NALCN: variants seen among roughly 807,000 people sequenced by gnomAD.
NALCN encodes sodium leak channel NALCN.
A neutral mutation model predicts 225.3 loss-of-function variants in NALCN; 111 were observed. The ratio of observed to expected loss-of-function variants is 0.49; its 90% confidence interval spans 0.42 to 0.58. The LOEUF (loss-of-function observed/expected upper bound fraction) is 0.58. Among genes scored for constraint, NALCN ranks in the 20% least tolerant of loss-of-function variants. The probability of loss-of-function intolerance (pLI) is 0.00; values close to 1 mark genes in which losing one functional copy is unlikely to be tolerated. For missense variants in NALCN, 1,378 were observed against 2,202.4 expected (o/e 0.63, Z 7.49); for synonymous variants, 764 against 769.0 (o/e 0.99, Z 0.11).
intron 18 of NALCN, among the ~76,000 whole-genome samples, chr13:101,113,580 T>G (rs1303692938): frequency 6.6e-6 from 1 of 152,214 alleles, no homozygotes; most frequent in Non-Finnish European, 1.5e-5. Context: ...TGGTAAAAGT[T>G]TGCTTTATTA....
rs558119080 is a variant in NALCN at position 101,393,740 on chromosome 13, G to A, written c.291+1443C>T. Among the ~76,000 whole-genome samples, 6 of 152,314 alleles carry A rather than the reference G, an allele frequency of 3.9e-5. No individual in the cohort carries two copies. In the South Asian group the frequency reaches 1.2e-3, roughly 32 times the overall value. ...GAGAATTGCTTGAATGCAGGAGGCAGAGGTTGCAGTGAGCTGAGATCGTGC... is the reference window on the plus strand; with the variant it reads ...GAGAATTGCTTGAATGCAGGAGGCAAAGGTTGCAGTGAGCTGAGATCGTGC... On this transcript the variant is annotated intron_variant, in intron 3 of 43. Coordinates refer to ENST00000251127, the MANE Select transcript of NALCN (RefSeq NM_052867.4).
chr13:101,323,789 A>C (rs1030049709), intron 7 of NALCN, among the ~76,000 whole-genome samples: 1 of 152,244 alleles, frequency 6.6e-6, no homozygotes, highest in Non-Finnish European at 1.5e-5. Context: ...ATGTACTAAC[A>C]TGTAAGTTAT....
At chr13:101,325,571 A>C (rs2044920606) in intron 7 of NALCN, among the ~76,000 whole-genome samples, 1 of 152,164 alleles carries the variant, frequency 6.6e-6, no homozygotes, top group Non-Finnish European at 1.5e-5. Flanking sequence ...AGCCCTCCTC[A>C]AAGGTCAGCA....
chr13:101,403,104 C>G (rs2047522527), intron 1 of NALCN, among the ~76,000 whole-genome samples: 1 of 152,190 alleles, frequency 6.6e-6, no homozygotes, highest in Non-Finnish European at 1.5e-5. Flanking sequence ...TCCTTTGTAG[C>G]CCAGAAAACC....
intron 7 of NALCN, among the ~76,000 whole-genome samples, chr13:101,306,939 C>T (rs952936056): frequency 3.9e-5 from 6 of 152,060 alleles, no homozygotes; most frequent in Admixed American, 6.5e-5. Context: ...CTCCTTCCTG[C>T]GGTTTCTGAG....
At position 101,089,498 on chromosome 13, in the gene NALCN, G is replaced by A. The variant is rs1368821066; in HGVS notation, c.3489+165C>T. Among the ~76,000 whole-genome samples the A allele has an allele frequency of 6.6e-6, 1 of 152,206 alleles. No homozygotes were observed. The highest frequency in any genetic ancestry group is 2.4e-5 in the African/African-American group (1 of 41,454). ...AACTGTACTCTTAAATAATGTGTCT[G>A]AAAAGCAGCAATGAGGGAGCTTGTA... On this transcript the variant is annotated intron_variant, in intron 30 of 43. Coordinates refer to ENST00000251127, the MANE Select transcript of NALCN (RefSeq NM_052867.4). The surrounding 1 kb of genome is among the most constrained non-coding windows in gnomAD (Gnocchi z 4.7).
chr13:101,202,941 G>A (rs915217123), intron 13 of NALCN, among the ~76,000 whole-genome samples: 3 of 152,162 alleles, frequency 2.0e-5, no homozygotes, highest in Non-Finnish European at 4.4e-5. Flanking sequence ...CAAGTACTCA[G>A]CCTCTGCTTT....
In NALCN at chr13:101,292,877, G is replaced by T. The variant is rs2043603416; in HGVS notation, c.800-511C>A. Among the ~76,000 whole-genome samples the T allele has an allele frequency of 6.6e-6, 1 of 152,102 alleles. No homozygotes were observed. Among genetic ancestry groups the T allele is most frequent in the Non-Finnish European group, 1.5e-5 (1 of 68,024 alleles). Reference sequence around the variant, plus strand: ...GATGGAGCTTGTCTTTGGATTCCATGGTGTTACCGAACACCAGAATGTAAG... The same window carrying T: ...GATGGAGCTTGTCTTTGGATTCCATTGTGTTACCGAACACCAGAATGTAAG... On this transcript the variant is annotated intron_variant, in intron 7 of 43. Transcript: ENST00000251127. The surrounding 1 kb of genome is among the most constrained non-coding windows in gnomAD (Gnocchi z 4.3).
At chr13:101,395,540 G>A (rs549332075) in intron 2 of NALCN, among the ~76,000 whole-genome samples, 175 bp from the exon 3 acceptor site, 1 of 152,230 alleles carries the variant, frequency 6.6e-6, no homozygotes, top group South Asian at 2.1e-4. Flanking sequence ...ATATTTTCAC[G>A]TTTTTATATC....
At chr13:101,338,271 G>A (rs1444968094) in intron 7 of NALCN, among the ~76,000 whole-genome samples, 1 of 152,198 alleles carries the variant, frequency 6.6e-6, no homozygotes, top group African/African-American at 2.4e-5. Context: ...TTGATTCATA[G>A]TTTATCTTGC....
chr13:101,169,201 T>C (rs1046674591), intron 15 of NALCN, among the ~76,000 whole-genome samples: 1 of 152,156 alleles, frequency 6.6e-6, no homozygotes, highest in Non-Finnish European at 1.5e-5. Flanking sequence ...ACAATATCTA[T>C]AGCATAGTAG....
At chr13:101,385,971 AT>A (rs756842443) in intron 3 of NALCN, among the ~76,000 whole-genome samples, 29 of 151,328 alleles carry the variant, frequency 1.9e-4, no homozygotes, top group South Asian at 4.2e-4. Context: ...AAGTGATGCC[AT>A]TTTTTTTTAC....
At chr13:101,096,449 C>A (rs553134064) in intron 27 of NALCN, among the ~76,000 whole-genome samples, 2 of 152,154 alleles carry the variant, frequency 1.3e-5, no homozygotes, top group East Asian at 3.9e-4. Flanking sequence ...AAATATTATG[C>A]TAATTGAGAA....
At position 101,084,510 on chromosome 13, in the gene NALCN, T is replaced by C. The variant is rs560892727; in HGVS notation, c.3490-706A>G. Among the ~76,000 whole-genome samples the C allele has an allele frequency of 2.0e-5, 3 of 152,300 alleles. No individual in the cohort carries two copies. In the East Asian group the frequency reaches 5.8e-4, roughly 29 times the overall value. ...CTTCAGGCGTGCATCCTCCTTACTA[T>C]GTTTTCAGACTTTTGTGCTTACGCA... On this transcript the variant is annotated intron_variant, in intron 30 of 43. Coordinates refer to ENST00000251127, the MANE Select transcript of NALCN (RefSeq NM_052867.4).
chr13:101,178,619 CA>C (rs2039061621), intron 14 of NALCN, among the ~76,000 whole-genome samples: 1 of 152,154 alleles, frequency 6.6e-6, no homozygotes, highest in Non-Finnish European at 1.5e-5. Flanking sequence ...CATCTGGCTC[CA>C]AGTTGTAAAC....
intron 1 of NALCN, among the ~76,000 whole-genome samples, chr13:101,415,347 C>A (rs929180718): frequency 6.6e-6 from 1 of 151,996 alleles, no homozygotes; most frequent in Non-Finnish European, 1.5e-5. Flanking sequence ...CCAGGGCAGT[C>A]GGGCCTAGCT....
chr13:101,163,200 G>A (rs1242441245), intron 15 of NALCN, among the ~76,000 whole-genome samples: 2 of 148,606 alleles, frequency 1.3e-5, no homozygotes, highest in African/African-American at 2.5e-5. Context: ...ACCATGCCTG[G>A]CCTATATATA....
Position 101,104,769 on chromosome 13 carries a change from C to T in NALCN, c.2637-119G>A, listed in dbSNP as rs1166825347. 2 of 1,548,834 alleles carry T rather than the reference C, an allele frequency of 1.3e-6. No individual in the cohort carries two copies. The highest frequency in any genetic ancestry group is 4.6e-5 in the East Asian group (2 of 43,882). ...ACTGGTATTTTAAAAACATCATTCC[C>T]CAATCATCTATTTCATAGCACTATA... On this transcript the variant is annotated intron_variant, in intron 23 of 43. Transcript: ENST00000251127. This position sits in a 1 kb window ranked among gnomAD's most constrained non-coding sequence, Gnocchi z 4.2.
At chr13:101,348,093 T>G (rs1594720115) in intron 6 of NALCN, among the ~76,000 whole-genome samples, 1 of 152,256 alleles carries the variant, frequency 6.6e-6, no homozygotes, top group Non-Finnish European at 1.5e-5. Flanking sequence ...ATTACATATA[T>G]TTTTAATTCC....
Sources: allele counts gnomAD v4.1 joint callset (sites outside exome capture counted in the v4.1 genomes callset), GRCh38; gene constraint gnomAD v4.1.1; non-coding constraint Gnocchi (gnomAD v3.1); transcripts MANE v1.5; gene names NCBI Gene and HGNC (gene_info 2026-07-23, HGNC 2026-07-21).